SETDB2: variants seen among roughly 807,000 people sequenced by gnomAD.
The protein encoded by SETDB2 is histone-lysine N-methyltransferase SETDB2.
Under a neutral mutation model 82.5 loss-of-function variants are expected in SETDB2, and 56 were observed. The observed-to-expected ratio is 0.68, with a 90% CI of 0.55 to 0.85. SETDB2 has a LOEUF of 0.85. SETDB2 is among the 40% of genes least tolerant of loss of function. SETDB2 has a pLI of 0.00. For missense variants in SETDB2, 677 were observed against 816.4 expected, an observed-to-expected ratio of 0.83 and a Z score of 2.08; for synonymous variants, 272 against 284.9, an observed-to-expected ratio of 0.95 and a Z score of 0.46.
At chr13:49,470,966 C>CTTTTTTTTTT (rs55920370) in intron 5 of SETDB2, among the ~76,000 whole-genome samples, 1 of 80,482 alleles carries the variant, frequency 1.2e-5, no homozygotes, top group Non-Finnish European at 2.1e-5. Flanking sequence ...TTCTTTCTTT[C>CTTTTTTTTTT]TTTTTTTTTT....
At position 49,493,128 on chromosome 13, in the gene SETDB2, GA is replaced by G. The variant is rs1958744233; in HGVS notation, c.*1283del. On this transcript the variant is annotated 3_prime_UTR_variant, in exon 14 of 14. Coordinates refer to ENST00000611815, the MANE Select transcript of SETDB2 (RefSeq NM_001160308.3). Reference sequence around the variant, plus strand: ...CTTGGCCGTGATCATCTATCTAGTGGAAAAGGGGACTGGGAAGCCCAAGCAG... The same window carrying G: ...CTTGGCCGTGATCATCTATCTAGTGGAAAGGGGACTGGGAAGCCCAAGCAG... 1 of 152,104 alleles carries G rather than the reference GA, an allele frequency of 6.6e-6. No homozygotes were observed. Among genetic ancestry groups the G allele is most frequent in the African/African-American group, 2.4e-5 (1 of 41,402 alleles). 9.4% of individuals were successfully genotyped at this position (152,104 alleles called of 1,614,324 possible).
chr13:49,460,225 C>T lies in SETDB2; in HGVS notation c.135C>T (p.Thr45=). The change falls in exon 3 of 14, where the codon ACC becomes ACT. Residue 45 remains threonine (T), a synonymous_variant. Transcript: ENST00000611815. ...LKQKIKDGSA[T]NKEYIQAMIL... is the part of the protein sequence containing the mutation. Reference sequence around the variant, plus strand: ...AAAAGATCAAAGATGGGTCTGCCACCAATAAAGGTATGAAGCAATAAAAAC... The same window carrying T: ...AAAAGATCAAAGATGGGTCTGCCACTAATAAAGGTATGAAGCAATAAAAAC... 6.2e-7 allele frequency: 1 copy of T among 1,612,210 alleles called. No homozygotes were observed. The highest frequency in any genetic ancestry group is 8.5e-7 in the Non-Finnish European group (1 of 1,179,346).
rs1248894830 is a variant in SETDB2 at position 49,493,449 on chromosome 13, A to G, written c.*1600A>G. The G allele has an allele frequency of 6.6e-6, 1 of 151,872 alleles. No homozygotes were observed. The highest frequency in any genetic ancestry group is 2.4e-5 in the African/African-American group (1 of 41,340). 9.4% of individuals were successfully genotyped at this position (151,872 alleles called of 1,614,324 possible). ...TGGAGAAATTTCTCCTAAAATCTTG[A>G]TTTGCTTTAGTCTGGACTGGTTCAT... On this transcript the variant is annotated 3_prime_UTR_variant, in exon 14 of 14. Coordinates refer to ENST00000611815, the MANE Select transcript of SETDB2 (RefSeq NM_001160308.3).
At chr13:49,459,935 T>C in intron 2 of SETDB2, 172 bp from the exon 3 acceptor site, 1 of 581,472 alleles carries the variant, frequency 1.7e-6, no homozygotes, top group Admixed American at 3.6e-5. Context: ...ATCATATTGT[T>C]TCTAGCTCTT....
intron 11 of SETDB2, among the ~76,000 whole-genome samples, chr13:49,486,875 T>C (rs1958607756): frequency 6.6e-6 from 1 of 152,158 alleles, no homozygotes; most frequent in Non-Finnish European, 1.5e-5. Flanking sequence ...CTGCTGTCTC[T>C]TCCCCCCTGC....
At chr13:49,467,739 A>T in intron 4 of SETDB2, 125 bp from the exon 5 acceptor site, 1 of 520,576 alleles carries the variant, frequency 1.9e-6, no homozygotes, top group Non-Finnish European at 3.2e-6. Flanking sequence ...TTGAAACCTT[A>T]CTATGTTTGC....
chr13:49,450,540 A>C (rs1957766441), intron 1 of SETDB2, among the ~76,000 whole-genome samples: 3 of 151,918 alleles, frequency 2.0e-5, no homozygotes, highest in Admixed American at 2.0e-4. Flanking sequence ...TTGTGCATTA[A>C]TCTCCTCTGA....
chr13:49,474,451 C>T lies in SETDB2; in HGVS notation c.306-2025C>T, dbSNP rs1407084774. On this transcript the variant is annotated intron_variant, in intron 5 of 13. Coordinates refer to ENST00000611815, the MANE Select transcript of SETDB2 (RefSeq NM_001160308.3). ...ATTAATGAAATAACTAACCCATTTG[C>T]CTTGTGACCTAGCACTCCCACTTCT... Among the ~76,000 whole-genome samples, 17 of 152,194 alleles carry T rather than the reference C, an allele frequency of 1.1e-4. 1 individual carries two copies. The highest frequency in any genetic ancestry group is 1.5e-5 in the Non-Finnish European group (1 of 68,034).
chr13:49,460,904 T>A (rs1276185006), intron 3 of SETDB2, among the ~76,000 whole-genome samples, 193 bp from the exon 4 acceptor site: 1 of 152,212 alleles, frequency 6.6e-6, no homozygotes. Flanking sequence ...TTGTACTACT[T>A]CTTAGCTGAA....
intron 7 of SETDB2, 116 bp from the exon 8 acceptor site, chr13:49,480,831 C>T: frequency 1.9e-6 from 2 of 1,028,746 alleles, no homozygotes; most frequent in Non-Finnish European, 2.9e-6. Flanking sequence ...AGGCACTCTA[C>T]CTCTAAGAGC....
intron 11 of SETDB2, among the ~76,000 whole-genome samples, chr13:49,486,955 G>A (rs534822120): frequency 6.6e-6 from 1 of 152,086 alleles, no homozygotes; most frequent in African/African-American, 2.4e-5. Context: ...TGATAGAAAA[G>A]GTCTATCAAA....
At position 49,460,171 on chromosome 13, in the gene SETDB2, A is replaced by C; in HGVS notation, c.81A>C (p.Gln27His). Residue 27 changes from glutamine to histidine, a missense_variant, in exon 3 of 14, where the codon CAA becomes CAC. Around this residue, in one of 3 missense-constraint regions of SETDB2, gnomAD observed 243 missense variants for 237.2 expected, o/e 1.02. Coordinates refer to ENST00000611815, the MANE Select transcript of SETDB2 (RefSeq NM_001160308.3). ...GAAAAGTGGACTTCATTTTTGAACA[A>C]GTACAAAATGTGCTGCAGTCACTGA... ...DDGKVDFIFEQVQNVLQSLKQ... is the reference protein window; with the variant it reads ...DDGKVDFIFEHVQNVLQSLKQ... 1 of 1,613,480 alleles carries C rather than the reference A, an allele frequency of 6.2e-7. No individual in the cohort carries two copies. The highest frequency in any genetic ancestry group is 8.5e-7 in the Non-Finnish European group (1 of 1,179,620).
chr13:49,458,447 A>G (rs1377889366), intron 2 of SETDB2, among the ~76,000 whole-genome samples: 5 of 152,054 alleles, frequency 3.3e-5, no homozygotes, highest in African/African-American at 1.2e-4. Flanking sequence ...ACCCAACTAC[A>G]CTTGAACTCC....
chr13:49,491,051 A>C, intron 13 of SETDB2, 141 bp downstream of exon 13: 1 of 568,634 alleles, frequency 1.8e-6, no homozygotes, highest in Non-Finnish European at 3.0e-6. Context: ...TCAGGAGTTT[A>C]AGACCAGCCA....
chr13:49,471,934 A>ATATAT lies in SETDB2; in HGVS notation c.305+3975_305+3976insATATT, dbSNP rs1378783393. On this transcript the variant is annotated intron_variant, in intron 5 of 13. Transcript: ENST00000611815. ...GTGACATATATATATATATATATAT[A>ATATAT]TTTTTTTTTTTTTTTAAATAGAGAC... Among the ~76,000 whole-genome samples the ATATAT allele has an allele frequency of 3.3e-3, 399 of 119,246 alleles. 3 individuals carry two copies. The highest frequency in any genetic ancestry group is 0.012 in the African/African-American group (330 of 27,760). 78.2% of individuals were successfully genotyped at this position (119,246 alleles called of 152,430 possible).
Position 49,494,869 on chromosome 13 carries a change from TATGTC to T in SETDB2, c.*3021_*3025del, listed in dbSNP as rs1160315326. The stretch of plus-strand genomic sequence containing the variant: ...TTCCTCAGCAAACCACCAACTATTA[TATGTC>T]TTTTTTCCAGAACAACTTATTTTTT... On this transcript the variant is annotated 3_prime_UTR_variant, in exon 14 of 14. Coordinates refer to ENST00000611815, the MANE Select transcript of SETDB2 (RefSeq NM_001160308.3). 1 of 152,162 alleles carries T rather than the reference TATGTC, an allele frequency of 6.6e-6. No individual in the cohort carries two copies. The highest frequency in any genetic ancestry group is 1.5e-5 in the Non-Finnish European group (1 of 68,042). The allele number at this position is 152,162 out of a possible 1,614,324, so 9.4% of individuals were successfully genotyped here.
At chr13:49,450,968 A>C (rs752460173) in intron 1 of SETDB2, among the ~76,000 whole-genome samples, 9 of 118,624 alleles carry the variant, frequency 7.6e-5, no homozygotes, top group Non-Finnish European at 1.6e-4. Flanking sequence ...TTTTATTAAA[A>C]TTTAATTATT....
intron 5 of SETDB2, among the ~76,000 whole-genome samples, chr13:49,474,105 T>G (rs1263633993): frequency 1.3e-5 from 2 of 152,106 alleles, no homozygotes; most frequent in Non-Finnish European, 2.9e-5. Flanking sequence ...GTACTAAAAA[T>G]ACAAAAATTA....
At chr13:49,453,223 C>T (rs1264424161) in intron 2 of SETDB2, among the ~76,000 whole-genome samples, 1 of 151,932 alleles carries the variant, frequency 6.6e-6, no homozygotes, top group South Asian at 2.1e-4. Context: ...AGTTACAAGC[C>T]AGTACTACTT....
Sources: allele counts gnomAD v4.1 joint callset (sites outside exome capture counted in the v4.1 genomes callset), GRCh38; gene constraint gnomAD v4.1.1; regional missense constraint gnomAD v4.1.1; transcripts MANE v1.5; gene names NCBI Gene and HGNC (gene_info 2026-07-23, HGNC 2026-07-21).